The following FOXP2 variants were observed in gnomAD, a reference collection of about 807,000 sequenced individuals.
The protein encoded by FOXP2 is forkhead box P2.
FOXP2 carries 12 observed loss-of-function variants against 115.8 expected under a neutral mutation model. The observed-to-expected ratio is 0.10, with a 90% confidence interval of 0.07 to 0.17. The LOEUF (loss-of-function observed/expected upper bound fraction) is 0.17, where lower values mean the gene tolerates loss of function less well. FOXP2 is among the 10% of genes least tolerant of loss of function. The pLI, the probability that FOXP2 is intolerant of heterozygous loss-of-function variation, is 1.00. For synonymous variants in FOXP2, 328 were observed against 297.7 expected (o/e 1.10, Z -1.05); for missense variants, 629 against 843.5 (o/e 0.75, Z 3.15).
At chr7:114,244,908 C>A (rs952879451) in intron 1 of FOXP2, among the ~76,000 whole-genome samples, 1 of 151,748 alleles carries the variant, frequency 6.6e-6, no homozygotes, top group Non-Finnish European at 1.5e-5. Context: ...ACTACAGGCG[C>A]CCACCATCAC....
chr7:114,133,555 C>T (rs1791948586), intron 1 of FOXP2, among the ~76,000 whole-genome samples: 1 of 152,144 alleles, frequency 6.6e-6, no homozygotes, highest in Non-Finnish European at 1.5e-5. Context: ...AAGGAAGAAC[C>T]AGTCCTATGG....
At chr7:114,092,006 T>C (rs1032358051) in intron 1 of FOXP2, among the ~76,000 whole-genome samples, 2 of 152,042 alleles carry the variant, frequency 1.3e-5, no homozygotes, top group Non-Finnish European at 2.9e-5. Context: ...GTATAATATG[T>C]TATACAGAAC....
chr7:114,605,500 A>C (rs1201002485), intron 3 of FOXP2, among the ~76,000 whole-genome samples: 2 of 152,216 alleles, frequency 1.3e-5, no homozygotes, highest in Middle Eastern at 3.2e-3. Flanking sequence ...ATAATAAAAG[A>C]CAAAATGAGA....
At chr7:114,631,400 G>A (rs1383921645) in intron 5 of FOXP2, 128 bp from the exon 6 acceptor site, 1 of 1,484,272 alleles carries the variant, frequency 6.7e-7, no homozygotes, top group African/African-American at 1.4e-5. Flanking sequence ...TTCTGCCCCT[G>A]AACTTTGACT....
intron 3 of FOXP2, among the ~76,000 whole-genome samples, chr7:114,612,998 G>A (rs1803714249): frequency 6.6e-6 from 1 of 152,054 alleles, no homozygotes; most frequent in African/African-American, 2.4e-5. Context: ...GTGTTACTTT[G>A]TCAGTGGTTT....
chr7:114,176,263 C>CCTTTCTTTCTTTCTTTCTTTCTTTCTTT (rs377227249), intron 1 of FOXP2, among the ~76,000 whole-genome samples: 11 of 123,520 alleles, frequency 8.9e-5, no homozygotes, highest in African/African-American at 3.0e-4. Context: ...TCTCTCTTTC[C>CCTTTCTTTCTTTCTTTCTTTCTTTCTTT]CTTTCTTTCT....
At chr7:114,512,278 T>C (rs1448920253) in intron 2 of FOXP2, among the ~76,000 whole-genome samples, 1 of 152,240 alleles carries the variant, frequency 6.6e-6, no homozygotes, top group Non-Finnish European at 1.5e-5. Context: ...AGGCAGTCCC[T>C]CATTTCTTAA....
At chr7:114,537,608 T>C (rs1799461083) in intron 3 of FOXP2, among the ~76,000 whole-genome samples, 1 of 151,602 alleles carries the variant, frequency 6.6e-6, no homozygotes, top group Non-Finnish European at 1.5e-5. Flanking sequence ...TATCTACTAT[T>C]ATTTTTTCAT....
At chr7:114,389,159 G>A (rs1792526807) in intron 2 of FOXP2, among the ~76,000 whole-genome samples, 1 of 152,188 alleles carries the variant, frequency 6.6e-6, no homozygotes, top group Non-Finnish European at 1.5e-5. Flanking sequence ...CACTTAACCT[G>A]AAGCTGTTTA....
chr7:114,196,712 CTG>C (rs1793920077), intron 1 of FOXP2, among the ~76,000 whole-genome samples: 2 of 152,306 alleles, frequency 1.3e-5, no homozygotes, highest in African/African-American at 4.8e-5. Context: ...GAATCAGACA[CTG>C]TGGGTATGCG....
intron 6 of FOXP2, among the ~76,000 whole-genome samples, chr7:114,632,374 A>C (rs960147182): frequency 2.6e-5 from 4 of 152,188 alleles, no homozygotes; most frequent in Non-Finnish European, 5.9e-5. Context: ...ATAACCCTTC[A>C]CTTTTGGGAA....
intron 2 of FOXP2, among the ~76,000 whole-genome samples, chr7:114,532,723 T>C (rs2129276311): frequency 6.6e-6 from 1 of 151,648 alleles, no homozygotes; most frequent in African/African-American, 2.4e-5. Flanking sequence ...TTAATATAAA[T>C]TAAGGCAACA....
intron 1 of FOXP2, among the ~76,000 whole-genome samples, chr7:114,118,087 C>T (rs892631396): frequency 5.9e-4 from 90 of 152,110 alleles, no homozygotes; most frequent in Admixed American, 5.8e-3. Context: ...CTGTTACACC[C>T]AGTAGAGTCT....
intron 2 of FOXP2, among the ~76,000 whole-genome samples, chr7:114,501,778 A>C (rs1025583634): frequency 6.6e-6 from 1 of 152,078 alleles, no homozygotes; most frequent in Non-Finnish European, 1.5e-5. Flanking sequence ...AAAACGGTGA[A>C]ATTCATAATT....
intron 2 of FOXP2, among the ~76,000 whole-genome samples, chr7:114,351,919 C>T (rs1791499249): frequency 6.6e-6 from 1 of 151,996 alleles, no homozygotes; most frequent in Non-Finnish European, 1.5e-5. Flanking sequence ...GTATAGTATG[C>T]ACTAATTATA....
intron 3 of FOXP2, among the ~76,000 whole-genome samples, chr7:114,561,904 C>T (rs935018617): frequency 6.6e-6 from 1 of 152,136 alleles, no homozygotes; most frequent in Non-Finnish European, 1.5e-5. Flanking sequence ...ATTCTCCTAC[C>T]TCAGCTTCCC....
chr7:114,314,234 ATAAT>A (rs1797219089), intron 2 of FOXP2, among the ~76,000 whole-genome samples: 1 of 149,382 alleles, frequency 6.7e-6, no homozygotes, highest in Non-Finnish European at 1.5e-5. Context: ...ATATAATATG[ATAAT>A]TTATATTATT....
chr7:114,144,787 G>A (rs941097166), intron 1 of FOXP2, among the ~76,000 whole-genome samples: 16 of 152,114 alleles, frequency 1.1e-4, no homozygotes, highest in African/African-American at 3.6e-4. Context: ...TGAACAGGCA[G>A]CAAAATATTA....
At chr7:114,397,528 A>G (rs991954551) in intron 2 of FOXP2, among the ~76,000 whole-genome samples, 2 of 152,178 alleles carry the variant, frequency 1.3e-5, no homozygotes, top group African/African-American at 4.8e-5. Context: ...TTTAAGCTGA[A>G]TTTGAATTGT....
Sources: gnomAD v4.1 joint callset for allele counts (sites outside exome capture counted in the v4.1 genomes callset) on GRCh38, gnomAD v4.1.1 for gene constraint, MANE v1.5 for transcripts, NCBI Gene and HGNC (gene_info 2026-07-23, HGNC 2026-07-21) for gene names.